The following POMT2 variants were observed in gnomAD, a reference collection of about 807,000 sequenced individuals.
POMT2 encodes protein O-mannosyltransferase 2, also known as protein O-mannosyl-transferase 2.
Under a neutral mutation model 100.0 loss-of-function variants are expected in POMT2, and 75 were observed. The observed-to-expected ratio is 0.75, with a 90% confidence interval of 0.62 to 0.91. POMT2 has a LOEUF of 0.91. Ranked by LOEUF, POMT2 falls within the 40% of genes least tolerant of loss-of-function variation. POMT2 has a pLI of 0.00. For missense variants in POMT2, 940 were observed against 955.1 expected (o/e 0.98, Z 0.21); for synonymous variants, 378 against 374.1 (o/e 1.01, Z -0.12).
At chr14:77,314,244 C>G (rs1891544695) in intron 1 of POMT2, among the ~76,000 whole-genome samples, 1 of 152,150 alleles carries the variant, frequency 6.6e-6, no homozygotes. Flanking sequence ...CATAAAACAG[C>G]AGATTCCCTA....
At chr14:77,299,238 C>T (rs951268732) in intron 7 of POMT2, among the ~76,000 whole-genome samples, 4 of 152,164 alleles carry the variant, frequency 2.6e-5, no homozygotes, top group South Asian at 2.1e-4. Context: ...TTGGCTATAA[C>T]GAAAATAGCT....
chr14:77,296,226 TG>T lies in POMT2; in HGVS notation c.1053del (p.Ile352SerfsTer46), dbSNP rs1890823262. 11 of 1,609,314 alleles carry T rather than the reference TG, an allele frequency of 6.8e-6. No individual in the cohort carries two copies. The highest frequency in any genetic ancestry group is 6.8e-6 in the Non-Finnish European group (8 of 1,178,384). On this transcript the variant is annotated frameshift_variant, in exon 9 of 21. Coordinates refer to ENST00000261534, the MANE Select transcript of POMT2 (RefSeq NM_013382.7). LOFTEE classifies it high-confidence loss of function. ...TGCCTGTGGGAGTGCAGATAGCCGA[TG>T]GCCATCCGGAGGTTCTTCACAGTGA... ...SVITVKNLRM[A>X]IGYLHSHRHL...
At chr14:77,303,577 C>T (rs1594798236) in intron 4 of POMT2, among the ~76,000 whole-genome samples, 2 of 152,098 alleles carry the variant, frequency 1.3e-5, no homozygotes, top group African/African-American at 4.8e-5. Context: ...GTGATTTGAA[C>T]CCACAGAGGT....
intron 11 of POMT2, chr14:77,287,148 C>T (rs1260453327): frequency 1.4e-5 from 5 of 364,848 alleles, no homozygotes; most frequent in Non-Finnish European, 2.1e-5. Context: ...GCTTGCCTGA[C>T]TTAGGAGGCA....
chr14:77,310,770 C>T (rs1478577791), intron 2 of POMT2, among the ~76,000 whole-genome samples: 6 of 152,228 alleles, frequency 3.9e-5, no homozygotes, highest in African/African-American at 9.6e-5. Flanking sequence ...ATCTAAGTCT[C>T]CAGTTAGGAA....
chr14:77,316,054 T>A (rs59630055), intron 1 of POMT2, among the ~76,000 whole-genome samples: 45,499 of 151,930 alleles, frequency 0.3, 7,010 homozygotes, highest in East Asian at 0.43. Context: ...GCTGCTGGAG[T>A]ACTGAGAGCC....
chr14:77,301,023 C>T, intron 6 of POMT2, 67 bp downstream of exon 6: 1 of 1,610,916 alleles, frequency 6.2e-7, no homozygotes, highest in South Asian at 1.1e-5. Context: ...ACAGAGAAGG[C>T]CACCAGCTCC....
chr14:77,285,132 C>T, intron 13 of POMT2, 91 bp from the exon 14 acceptor site: 1 of 1,140,068 alleles, frequency 8.8e-7, no homozygotes, highest in African/African-American at 1.5e-5. Flanking sequence ...CCACAGGCTC[C>T]TTCTCTTTTC....
rs1330133068 is a variant in POMT2 at position 77,277,338 on chromosome 14, G to T, written c.*38C>A. The T allele has an allele frequency of 1.3e-6, 2 of 1,538,886 alleles. No homozygotes were observed. Among genetic ancestry groups the T allele is most frequent in the Admixed American group, 3.3e-5 (2 of 59,854 alleles). On this transcript the variant is annotated 3_prime_UTR_variant, in exon 21 of 21. Coordinates refer to ENST00000261534, the MANE Select transcript of POMT2 (RefSeq NM_013382.7). Reference sequence around the variant, plus strand: ...ACTGCTTCCCAGCTGGCTCTCCTGGGAAGTTCCTGGACCCAGGCTGGAATC... The same window carrying T: ...ACTGCTTCCCAGCTGGCTCTCCTGGTAAGTTCCTGGACCCAGGCTGGAATC...
intron 8 of POMT2, among the ~76,000 whole-genome samples, chr14:77,297,904 C>A (rs1890887035): frequency 6.6e-6 from 1 of 152,202 alleles, no homozygotes; most frequent in South Asian, 2.1e-4. Flanking sequence ...GCCTTCCTGG[C>A]CTCCTGGCTG....
At position 77,276,943 on chromosome 14, in the gene POMT2, A is replaced by G. The variant is rs574303799; in HGVS notation, c.*433T>C. On this transcript the variant is annotated 3_prime_UTR_variant, in exon 21 of 21. Transcript: ENST00000261534. ...GAATTTTTGATGGATCTTACAAACC[A>G]AAACCAAAGAAATCCAACAGAAAAA... 1.2e-4 allele frequency: 23 copies of G among 184,720 alleles called. No individual in the cohort carries two copies. The highest frequency in any genetic ancestry group is 5.9e-4 in the South Asian group (5 of 8,496). 11.4% of individuals were successfully genotyped at this position (184,720 alleles called of 1,614,324 possible).
rs182018191 is a variant in POMT2 at position 77,300,919 on chromosome 14, G to A, written c.816+171C>T. ...CTTGAACCCTATCCAGTCCTCAGCCGGGCCCACTCCCTGATGTCCTGCTGT... is the reference window on the plus strand; with the variant it reads ...CTTGAACCCTATCCAGTCCTCAGCCAGGCCCACTCCCTGATGTCCTGCTGT... On this transcript the variant is annotated intron_variant, in intron 6 of 20. Transcript: ENST00000261534. 2,452 of 1,153,978 alleles carry A rather than the reference G, an allele frequency of 2.1e-3. 6 individuals carry two copies. The highest frequency in any genetic ancestry group is 3.2e-3 in the Admixed American group (171 of 53,224). 71.5% of individuals were successfully genotyped at this position (1,153,978 alleles called of 1,614,324 possible). A position where few individuals can be genotyped will look rare whatever the true frequency, so the allele number is the denominator to read the frequency against.
chr14:77,300,529 G>C (rs1036888820), intron 6 of POMT2: 1 of 161,232 alleles, frequency 6.2e-6, no homozygotes, highest in African/African-American at 2.4e-5. Flanking sequence ...AATGAAAATT[G>C]TGAGTTCAGA....
intron 1 of POMT2, among the ~76,000 whole-genome samples, chr14:77,315,350 A>G (rs1002396578): frequency 1.3e-5 from 2 of 152,036 alleles, no homozygotes; most frequent in South Asian, 2.1e-4. Context: ...GCACCGCCAC[A>G]CTCTCCGACT....
At chr14:77,280,821 G>A (rs1233907979) in intron 15 of POMT2, among the ~76,000 whole-genome samples, 2 of 152,258 alleles carry the variant, frequency 1.3e-5, no homozygotes, top group Non-Finnish European at 2.9e-5. Flanking sequence ...GCCGGGTGCA[G>A]TGGCTCATGC....
chr14:77,312,006 C>T lies in POMT2; in HGVS notation c.276G>A (p.Met92Ile). The change falls in exon 2 of 21, where the codon ATG (methionine) becomes ATA (isoleucine). Residue 92 changes from methionine to isoleucine, a missense_variant. By Grantham distance (10) the Met-to-Ile change is conservative. Transcript: ENST00000261534. ...ATGTACGGTTGATATAGTAACTTCCCATTTTTCCAAAGTGAGTCTCATCCC... is the reference window on the plus strand; with the variant it reads ...ATGTACGGTTGATATAGTAACTTCCTATTTTTCCAAAGTGAGTCTCATCCC... Reference protein sequence around the residue: ...ICWDETHFGKMGSYYINRTFF... With the variant: ...ICWDETHFGKIGSYYINRTFF... 2 of 1,614,048 alleles carry T rather than the reference C, an allele frequency of 1.2e-6. No individual in the cohort carries two copies. Among genetic ancestry groups the T allele is most frequent in the Non-Finnish European group, 1.7e-6 (2 of 1,179,980 alleles).
chr14:77,294,792 G>A (rs1314650324), intron 9 of POMT2, among the ~76,000 whole-genome samples: 1 of 152,160 alleles, frequency 6.6e-6, no homozygotes, highest in African/African-American at 2.4e-5. Flanking sequence ...CCAGTCTCAG[G>A]TATGTCTTTA....
rs139447634 is a variant in POMT2 at position 77,279,004 on chromosome 14, G to A, written c.1892-135C>T. ...ACCTCATTGGACCAACCCAAACCAC[G>A]CTACAGAAACTGGAGAGGAGCAGCT... On this transcript the variant is annotated intron_variant, in intron 18 of 20. Transcript: ENST00000261534. 1.6e-4 allele frequency: 193 copies of A among 1,210,772 alleles called. No homozygotes were observed. In the African/African-American group the frequency reaches 2.4e-3, roughly 15 times the overall value. The allele number at this position is 1,210,772 out of a possible 1,614,324, so 75.0% of individuals were successfully genotyped here.
At position 77,298,696 on chromosome 14, in the gene POMT2, G is replaced by T. The variant is rs1477230440; in HGVS notation, c.999C>A (p.Ile333=). 6.2e-7 allele frequency: 1 copy of T among 1,613,898 alleles called. No individual in the cohort carries two copies. Among genetic ancestry groups the T allele is most frequent in the Admixed American group, 1.7e-5 (1 of 60,006 alleles). ...LSGNNLHNAS[I]PEHLAYGSVI... is the part of the protein sequence containing the mutation. ...TGGCCCAGAGACACTCACGTTCAGG[G>T]ATGGAAGCATTGTGCAGGTTGTTCC... The change falls in exon 8 of 21, where the codon ATC becomes ATA. Residue 333 remains isoleucine (I), a synonymous_variant. Transcript: ENST00000261534.
Sources: gnomAD v4.1 joint callset for allele counts (sites outside exome capture counted in the v4.1 genomes callset) on GRCh38, gnomAD v4.1.1 for gene constraint, MANE v1.5 for transcripts, NCBI Gene and HGNC (gene_info 2026-07-23, HGNC 2026-07-21) for gene names.